MSTN: variants seen among roughly 807,000 people sequenced by gnomAD.
The protein encoded by MSTN is growth/differentiation factor 8.
In MSTN, 12 loss-of-function variants were observed where a neutral mutation model predicts 32.3. The observed-to-expected ratio is 0.37, with a 90% CI of 0.24 to 0.60. The LOEUF (loss-of-function observed/expected upper bound fraction) is 0.60. Ranked by LOEUF, MSTN falls within the 20% of genes least tolerant of loss-of-function variation. MSTN has a pLI of 0.67. For missense variants in MSTN, 403 were observed against 450.3 expected (o/e 0.89, Z 0.95); for synonymous variants, 168 against 155.1 (o/e 1.08, Z -0.62).
chr2:190,058,799 G>A (rs945655270), intron 2 of MSTN, among the ~76,000 whole-genome samples: 6 of 151,860 alleles, frequency 4.0e-5, no homozygotes, highest in East Asian at 1.9e-4. Context: ...CTATGCGTAC[G>A]CAAAGACATA....
rs1685456694 is a variant in MSTN, at chr2:190,057,101, A to T, written c.*157T>A. 1.4e-6 allele frequency: 1 copy of T among 719,054 alleles called. No individual in the cohort carries two copies. Among genetic ancestry groups the T allele is most frequent in the Admixed American group, 2.9e-5 (1 of 34,496 alleles). The allele number at this position is 719,054 out of a possible 1,614,324, so 44.5% of individuals were successfully genotyped here. The stretch of plus-strand genomic sequence containing the variant: ...TGGATGGTTAAATGCCAACCATTGC[A>T]TATATTCCCCCTTTTAGTTTACATA... On this transcript the variant is annotated 3_prime_UTR_variant, in exon 3 of 3. Coordinates refer to ENST00000260950, the MANE Select transcript of MSTN (RefSeq NM_005259.3).
At position 190,062,475 on chromosome 2, in the gene MSTN, G is replaced by A; in HGVS notation, c.122C>T (p.Ala41Val). ...TTTAGTGTTTTGTCTCCAAGTACAT[G>A]CATTACACAGCCCCTCTTTTTCCAC... ...ENVEKEGLCN[A>V]CTWRQNTKSS... Residue 41 changes from alanine (A) to valine (V), a missense_variant, in exon 1 of 3, where the codon GCA becomes GTA. Physicochemically the swap from Ala to Val is moderately conservative, Grantham distance 64 (BLOSUM62 0). Coordinates refer to ENST00000260950, the MANE Select transcript of MSTN (RefSeq NM_005259.3). The A allele has an allele frequency of 1.2e-6, 2 of 1,613,556 alleles. No homozygotes were observed. Among genetic ancestry groups the A allele is most frequent in the Non-Finnish European group, 1.7e-6 (2 of 1,179,638 alleles).
At position 190,057,353 on chromosome 2, in the gene MSTN, T is replaced by G. The variant is rs762554695; in HGVS notation, c.1033A>C (p.Met345Leu). 6.2e-7 allele frequency: 1 copy of G among 1,613,658 alleles called. No homozygotes were observed. The highest frequency in any genetic ancestry group is 1.3e-5 in the African/African-American group (1 of 75,012). ...SAGPCCTPTK[M>L]SPINMLYFNG... ...AAATATAGCATATTAATTGGAGACA[T>G]CTTTGTGGGAGTACAGCAAGGGCCT... The change falls in exon 3 of 3, where the codon ATG becomes CTG. Residue 345 changes from methionine to leucine, a missense_variant. Physicochemically the swap from Met to Leu is conservative, Grantham distance 15. Transcript: ENST00000260950.
Position 190,057,391 on chromosome 2 carries a change from G to C in MSTN, c.995C>G (p.Pro332Arg), listed in dbSNP as rs757027065. 2 of 1,613,564 alleles carry C rather than the reference G, an allele frequency of 1.2e-6. No homozygotes were observed. Among genetic ancestry groups the C allele is most frequent in the African/African-American group, 1.3e-5 (1 of 74,982 alleles). The change falls in exon 3 of 3, where the codon CCC (proline) becomes CGC (arginine). Residue 332 changes from proline to arginine, a missense_variant. Transcript: ENST00000260950. ...ACAGCAAGGGCCTGCTGAACCTCTG[G>C]GGTTTGCTTGGTGTACCAGATGAGT... ...PHTHLVHQAN[P>R]RGSAGPCCTP...
intron 1 of MSTN, among the ~76,000 whole-genome samples, chr2:190,061,386 A>C (rs1309064579): frequency 1.3e-5 from 2 of 152,006 alleles, no homozygotes; most frequent in Admixed American, 6.6e-5. Flanking sequence ...AATTGTATGA[A>C]ATATGTTATC....
chr2:190,061,194 C>A (rs550342723), intron 1 of MSTN, among the ~76,000 whole-genome samples: 1 of 152,060 alleles, frequency 6.6e-6, no homozygotes, highest in Admixed American at 6.6e-5. Flanking sequence ...TGCATTGTAA[C>A]CTGATTACTT....
chr2:190,062,501 A>G lies in MSTN; in HGVS notation c.96T>C (p.Asn32=), dbSNP rs1177702254. Residue 32 remains asparagine, a synonymous_variant, in exon 1 of 3, where the codon AAT becomes AAC. Coordinates refer to ENST00000260950, the MANE Select transcript of MSTN (RefSeq NM_005259.3). ...CATTACACAGCCCCTCTTTTTCCAC[A>G]TTTTCTTTTTGCTCACTGTTCTCAT... ...DLNENSEQKE[N]VEKEGLCNAC... 2.5e-6 allele frequency: 4 copies of G among 1,613,360 alleles called. No homozygotes were observed. The South Asian group carries it at 3.3e-5, about 13-fold the overall frequency.
In MSTN at chr2:190,057,352, A is replaced by G; in HGVS notation, c.1034T>C (p.Met345Thr). The change falls in exon 3 of 3, where the codon ATG (methionine) becomes ACG (threonine). Residue 345 changes from methionine (M) to threonine (T), a missense_variant. Transcript: ENST00000260950. ...SAGPCCTPTK[M>T]SPINMLYFNG... ...AAAATATAGCATATTAATTGGAGAC[A>G]TCTTTGTGGGAGTACAGCAAGGGCC... The G allele has an allele frequency of 6.2e-7, 1 of 1,613,624 alleles. No homozygotes were observed. Among genetic ancestry groups the G allele is most frequent in the Non-Finnish European group, 8.5e-7 (1 of 1,179,622 alleles).
intron 2 of MSTN, among the ~76,000 whole-genome samples, chr2:190,058,612 C>T (rs1685504024): frequency 6.6e-6 from 1 of 151,860 alleles, no homozygotes; most frequent in Non-Finnish European, 1.5e-5. Context: ...CCTAAGTGCC[C>T]ATCAGCGGAT....
intron 2 of MSTN, among the ~76,000 whole-genome samples, chr2:190,059,633 T>G (rs1685537341): frequency 6.6e-6 from 1 of 151,960 alleles, no homozygotes; most frequent in Non-Finnish European, 1.5e-5. Flanking sequence ...TTTATCTGTT[T>G]TATGCTAAGC....
At chr2:190,059,206 C>T (rs750257802) in intron 2 of MSTN, among the ~76,000 whole-genome samples, 4 of 151,650 alleles carry the variant, frequency 2.6e-5, no homozygotes, top group East Asian at 1.9e-4. Context: ...AATAGATGAA[C>T]GTAAAAAGAT....
rs1685473663 is a variant in MSTN, at chr2:190,057,654, A to G, written c.748-16T>C. 8 of 1,612,526 alleles carry G rather than the reference A, an allele frequency of 5.0e-6. No homozygotes were observed. Among genetic ancestry groups the G allele is most frequent in the Non-Finnish European group, 6.8e-6 (8 of 1,178,814 alleles). On this transcript the variant is annotated splice_polypyrimidine_tract_variant and intron_variant, in intron 2 of 2. Transcript: ENST00000260950. ...AAAACGGATTCTGTTTGAAAAGGAA[A>G]GAACAATCAGTAATATCAATAGGCC...
chr2:190,059,073 A>C (rs917279729), intron 2 of MSTN, among the ~76,000 whole-genome samples: 1 of 151,896 alleles, frequency 6.6e-6, no homozygotes, highest in South Asian at 2.1e-4. Context: ...ATTTTAAAGA[A>C]TGTTTTATTT....
intron 2 of MSTN, among the ~76,000 whole-genome samples, chr2:190,058,780 C>A (rs574445018): frequency 5.3e-5 from 8 of 152,010 alleles, no homozygotes; most frequent in African/African-American, 1.7e-4. Context: ...CTTACAAGTG[C>A]GAGCTAAGCT....
Position 190,062,706 on chromosome 2 carries a change from A to G in MSTN, c.-110T>C. 1 of 965,344 alleles carries G rather than the reference A, an allele frequency of 1.0e-6. No individual in the cohort carries two copies. The allele number at this position is 965,344 out of a possible 1,614,324, so 59.8% of individuals were successfully genotyped here. ...TTTTAATGCATGTACAGTCTGAGAG[A>G]CAACTTGCCACACCAGTGAATCTTT... On this transcript the variant is annotated 5_prime_UTR_variant, in exon 1 of 3. Transcript: ENST00000260950.
intron 1 of MSTN, among the ~76,000 whole-genome samples, chr2:190,060,901 C>T (rs1302254568): frequency 6.6e-6 from 1 of 151,974 alleles, no homozygotes; most frequent in Non-Finnish European, 1.5e-5. Flanking sequence ...CACTGAGCAA[C>T]TTACTGAGCC....
In MSTN at chr2:190,062,270, G is replaced by A. The variant is rs369218409; in HGVS notation, c.327C>T (p.Asp109=). ...TTGTTTCCGTTGTAGCGTGATAATC[G>A]TCATCTTCCAAAGAGCCATCGCTGC... ...DDSSDGSLED[D]DYHATTETII... Residue 109 remains aspartate, a synonymous_variant, in exon 1 of 3, where the codon GAC becomes GAT. Transcript: ENST00000260950. The A allele has an allele frequency of 1.2e-5, 19 of 1,612,818 alleles. No homozygotes were observed. Among genetic ancestry groups the A allele is most frequent in the Middle Eastern group, 1.6e-4 (1 of 6,072 alleles).
intron 1 of MSTN, among the ~76,000 whole-genome samples, chr2:190,060,984 T>C (rs1685577422): frequency 6.6e-6 from 1 of 152,022 alleles, no homozygotes; most frequent in African/African-American, 2.4e-5. Context: ...GGAGCAAAAC[T>C]AAGCAGATAA....
At chr2:190,057,854 G>C (rs143809682) in intron 2 of MSTN, among the ~76,000 whole-genome samples, 297 of 152,026 alleles carry the variant, frequency 2.0e-3, no homozygotes, top group African/African-American at 6.8e-3. Context: ...ATTCCCCTAA[G>C]GTCAGTACCA....
Sources: allele counts gnomAD v4.1 joint callset (sites outside exome capture counted in the v4.1 genomes callset), GRCh38; gene constraint gnomAD v4.1.1; transcripts MANE v1.5; gene names NCBI Gene and HGNC (gene_info 2026-07-23, HGNC 2026-07-21).